SEPTIN10: variants seen among roughly 807,000 people sequenced by gnomAD.
The protein encoded by SEPTIN10 is septin-10.
SEPTIN10 carries 66 observed loss-of-function variants against 54.8 expected under a neutral mutation model. The ratio of observed to expected loss-of-function variants is 1.21; its 90% CI spans 0.99 to 1.48. The LOEUF is 1.48. SEPTIN10 is among the 40% of genes most tolerant of loss of function. The pLI, the probability that SEPTIN10 is intolerant of heterozygous loss-of-function variation, is 0.00. For missense variants in SEPTIN10, 620 were observed against 545.6 expected, an observed-to-expected ratio of 1.14 and a Z score of -1.36; for synonymous variants, 161 against 181.0, an observed-to-expected ratio of 0.89 and a Z score of 0.89.
rs796742433 is a variant in SEPTIN10 at position 109,568,779 on chromosome 2, C to CTT, written c.601-804_601-803insAA. Among the ~76,000 whole-genome samples, 6 of 152,242 alleles carry CTT rather than the reference C, an allele frequency of 3.9e-5. 1 individual carries two copies. Among genetic ancestry groups the CTT allele is most frequent in the African/African-American group, 1.4e-4 (6 of 41,534 alleles). On this transcript the variant is annotated intron_variant, in intron 5 of 10. Coordinates refer to ENST00000397712, the MANE Select transcript of SEPTIN10 (RefSeq NM_144710.5). ...ACAGGTGAAGCTTCTCTTTGTGCCT[C>CTT]GTTTCAGGACTGACTCCATGCCTAC...
At chr2:109,546,972 C>T (rs1433262551) in intron 9 of SEPTIN10, among the ~76,000 whole-genome samples, 1 of 152,178 alleles carries the variant, frequency 6.6e-6, no homozygotes, top group African/African-American at 2.4e-5. Context: ...AACTAAGAAG[C>T]AGCAGATACA....
At chr2:109,558,708 CG>C (rs569375915) in intron 8 of SEPTIN10, among the ~76,000 whole-genome samples, 167 of 152,004 alleles carry the variant, frequency 1.1e-3, no homozygotes, top group African/African-American at 3.4e-3. Context: ...GAAAAACAAA[CG>C]GAAGTTCTGG....
At chr2:109,549,258 T>C (rs1471720015) in intron 9 of SEPTIN10, among the ~76,000 whole-genome samples, 1 of 152,206 alleles carries the variant, frequency 6.6e-6, no homozygotes, top group Middle Eastern at 3.2e-3. Flanking sequence ...GGCAGGTTTC[T>C]ATCACATGAC....
At chr2:109,586,017 T>C (rs1276314074) in intron 2 of SEPTIN10, among the ~76,000 whole-genome samples, 179 bp from the exon 3 acceptor site, 3 of 152,154 alleles carry the variant, frequency 2.0e-5, no homozygotes, top group Non-Finnish European at 4.4e-5. Flanking sequence ...TGTGTCCAGA[T>C]CCTCAAAACA....
chr2:109,547,770 A>G (rs75302730), intron 9 of SEPTIN10, among the ~76,000 whole-genome samples: 1,805 of 152,324 alleles, frequency 0.012, 18 homozygotes, highest in South Asian at 0.018. Flanking sequence ...GAAAACATCT[A>G]TCTAACGTTT....
chr2:109,544,727 G>GT, intron 10 of SEPTIN10: 1 of 847,188 alleles, frequency 1.2e-6, no homozygotes, highest in Non-Finnish European at 1.4e-6. Flanking sequence ...TAAATTTATA[G>GT]TTTATCTTTC....
At chr2:109,602,447 G>T (rs1415097905) in intron 1 of SEPTIN10, among the ~76,000 whole-genome samples, 1 of 152,028 alleles carries the variant, frequency 6.6e-6, no homozygotes, top group African/African-American at 2.4e-5. Context: ...AGGCCAAGGC[G>T]GGTGGATCAC....
chr2:109,598,209 A>C lies in SEPTIN10; in HGVS notation c.31-5090T>G, dbSNP rs1446464636. ...TCCCAAGTAGAGTAGCTAGGATTAC[A>C]GGCATGCACCACCACACCTGGCTAA... On this transcript the variant is annotated intron_variant, in intron 1 of 10. Coordinates refer to ENST00000397712, the MANE Select transcript of SEPTIN10 (RefSeq NM_144710.5). Among the ~76,000 whole-genome samples the C allele has an allele frequency of 2.0e-5, 3 of 151,954 alleles. No individual in the cohort carries two copies. The South Asian group carries it at 6.3e-4, about 32-fold the overall frequency.
At chr2:109,573,863 C>T (rs956830911) in intron 5 of SEPTIN10, among the ~76,000 whole-genome samples, 1 of 152,140 alleles carries the variant, frequency 6.6e-6, no homozygotes, top group African/African-American at 2.4e-5. Context: ...AATAGGTTTT[C>T]TCAGTATGGT....
At position 109,576,943 on chromosome 2, in the gene SEPTIN10, T is replaced by A. The variant is rs187594772; in HGVS notation, c.414-2176A>T. On this transcript the variant is annotated intron_variant, in intron 4 of 10. Transcript: ENST00000397712. ...TACAGAAGAAATGTCTGAGATTTTT[T>A]AAAAAGAACTGACGGACACACTATT... Among the ~76,000 whole-genome samples, 220 of 152,228 alleles carry A rather than the reference T, an allele frequency of 1.4e-3. 1 individual carries two copies. Among genetic ancestry groups the A allele is most frequent in the Non-Finnish European group, 2.4e-3 (161 of 68,020 alleles).
At chr2:109,547,584 C>T (rs539819575) in intron 9 of SEPTIN10, among the ~76,000 whole-genome samples, 1 of 152,198 alleles carries the variant, frequency 6.6e-6, no homozygotes, top group African/African-American at 2.4e-5. Context: ...ATAAAGGGAG[C>T]AATGTCACCT....
intron 10 of SEPTIN10, chr2:109,545,210 G>A (rs1680872977): frequency 2.0e-6 from 2 of 985,256 alleles, no homozygotes; most frequent in South Asian, 9.4e-5. Context: ...TCCCCCAAAT[G>A]AGCATTCTGA....
intron 1 of SEPTIN10, among the ~76,000 whole-genome samples, chr2:109,603,933 G>A (rs901979454): frequency 2.6e-5 from 4 of 151,510 alleles, no homozygotes; most frequent in South Asian, 2.1e-4. Flanking sequence ...AGGCCGAGGC[G>A]GGCGGATCAC....
chr2:109,602,515 A>C (rs1696829012), intron 1 of SEPTIN10, among the ~76,000 whole-genome samples: 1 of 151,966 alleles, frequency 6.6e-6, no homozygotes, highest in Non-Finnish European at 1.5e-5. Flanking sequence ...ATCTCTACTA[A>C]AAGTACAAAA....
intron 5 of SEPTIN10, among the ~76,000 whole-genome samples, chr2:109,568,250 C>T (rs1019787971): frequency 1.3e-5 from 2 of 152,050 alleles, no homozygotes; most frequent in African/African-American, 4.8e-5. Flanking sequence ...GGGCCTGTGA[C>T]GCCCAGTGTA....
chr2:109,559,074 C>T lies in SEPTIN10; in HGVS notation c.1028+5292G>A, dbSNP rs558534169. On this transcript the variant is annotated intron_variant, in intron 8 of 10. Transcript: ENST00000397712. ...CTAATTTTTGTATTTTTAGTACAGA[C>T]AGGGTTTCACCATGTTGGCCAGGCT... Among the ~76,000 whole-genome samples the T allele has an allele frequency of 3.9e-4, 60 of 152,130 alleles. 1 individual carries two copies. The East Asian group carries it at 0.011, about 28-fold the overall frequency.
At chr2:109,544,360 T>TA (rs772269548) in intron 10 of SEPTIN10, 36 bp from the exon 11 acceptor site, 10 of 1,556,894 alleles carry the variant, frequency 6.4e-6, no homozygotes, top group East Asian at 2.3e-5. Flanking sequence ...TGGTACAATT[T>TA]AAAAAAAATT....
intron 1 of SEPTIN10, among the ~76,000 whole-genome samples, chr2:109,610,457 G>A (rs1032242031): frequency 1.3e-5 from 2 of 151,696 alleles, no homozygotes; most frequent in African/African-American, 2.4e-5. Context: ...GCTCACGCCT[G>A]TAATCCCAAC....
At chr2:109,545,722 G>C in intron 10 of SEPTIN10, 1 of 1,442,538 alleles carries the variant, frequency 6.9e-7, no homozygotes, top group Non-Finnish European at 9.0e-7. Flanking sequence ...CATTAGCTGT[G>C]TACTAGGGCC....
Sources: gnomAD v4.1 joint callset for allele counts (sites outside exome capture counted in the v4.1 genomes callset) on GRCh38, gnomAD v4.1.1 for gene constraint, MANE v1.5 for transcripts, NCBI Gene and HGNC (gene_info 2026-07-23, HGNC 2026-07-21) for gene names.